ATF6: variants seen among roughly 807,000 people sequenced by gnomAD.
ATF6 encodes cyclic AMP-dependent transcription factor ATF-6 alpha.
A neutral mutation model predicts 83.6 loss-of-function variants in ATF6; 53 were observed. The ratio of observed to expected loss-of-function variants is 0.63; its 90% confidence interval spans 0.51 to 0.80. The LOEUF (loss-of-function observed/expected upper bound fraction) is 0.80. ATF6 is among the 30% of genes least tolerant of loss of function. The pLI, the probability that ATF6 is intolerant of heterozygous loss-of-function variation, is 0.00. For synonymous variants in ATF6, 288 were observed against 285.8 expected (o/e 1.01, Z -0.08); for missense variants, 744 against 797.9 (o/e 0.93, Z 0.81).
intron 9 of ATF6, among the ~76,000 whole-genome samples, chr1:161,830,199 T>C (rs916597253): frequency 2.0e-5 from 3 of 152,214 alleles, no homozygotes; most frequent in African/African-American, 7.2e-5. Flanking sequence ...CCATTCACAA[T>C]TGCTTCAAAG....
chr1:161,868,697 A>G (rs1183934322), intron 14 of ATF6, among the ~76,000 whole-genome samples: 1 of 151,748 alleles, frequency 6.6e-6, no homozygotes, highest in African/African-American at 2.4e-5. Flanking sequence ...ATTGGAATCT[A>G]TTTTACTGAT....
chr1:161,870,363 A>C (rs1687097522), intron 14 of ATF6, among the ~76,000 whole-genome samples: 1 of 151,818 alleles, frequency 6.6e-6, no homozygotes. Flanking sequence ...ATAGGCCTTG[A>C]AAGTTTCTGG....
At chr1:161,790,116 C>T (rs1337725727) in intron 4 of ATF6, among the ~76,000 whole-genome samples, 1 of 152,000 alleles carries the variant, frequency 6.6e-6, no homozygotes, top group Non-Finnish European at 1.5e-5. Flanking sequence ...CAAATATTTT[C>T]TACCAATATA....
intron 9 of ATF6, 106 bp downstream of exon 9, chr1:161,821,267 A>G (rs1020889615): frequency 1.3e-6 from 1 of 755,434 alleles, no homozygotes; most frequent in Non-Finnish European, 2.1e-6. Context: ...GTTTTTCAAG[A>G]TGTGTAAAGA....
intron 15 of ATF6, among the ~76,000 whole-genome samples, chr1:161,936,323 G>A (rs10918224): frequency 0.63 from 95,478 of 151,526 alleles, 31,811 homozygotes; most frequent in Non-Finnish European, 0.75. Flanking sequence ...TTTAATTTTT[G>A]TGGGTACATA....
chr1:161,840,829 CTT>C (rs1421690619), intron 9 of ATF6, among the ~76,000 whole-genome samples: 2 of 152,250 alleles, frequency 1.3e-5, no homozygotes, highest in East Asian at 3.9e-4. Context: ...TACTGTGACT[CTT>C]TGGACTAGCA....
At chr1:161,781,852 G>T in intron 2 of ATF6, 60 bp from the exon 3 acceptor site, 1 of 1,150,552 alleles carries the variant, frequency 8.7e-7, no homozygotes, top group South Asian at 1.4e-5. Context: ...CTCACAGTTT[G>T]ATTTTAAGAT....
At chr1:161,813,900 T>A (rs1166168244) in intron 7 of ATF6, among the ~76,000 whole-genome samples, 1 of 151,924 alleles carries the variant, frequency 6.6e-6, no homozygotes, top group Non-Finnish European at 1.5e-5. Context: ...TTTTTTTTTT[T>A]TGAGATGGAG....
rs869240831 is a variant in ATF6 at position 161,812,371 on chromosome 1, CTTTTTTTTTTTTTTTTTTTTTTTTT to C, written c.910-7247_910-7223del. On this transcript the variant is annotated intron_variant, in intron 7 of 15. Transcript: ENST00000367942. ...GAGCTGGAATGGGAGCAGGTATTTT[CTTTTTTTTTTTTTTTTTTTTTTTTT>C]TTTTTTTTTTTTTTGAGACGGAGTC... Among the ~76,000 whole-genome samples the C allele has an allele frequency of 3.8e-4, 13 of 34,392 alleles. No individual in the cohort carries two copies. In the East Asian group the frequency reaches 7.1e-3, roughly 19 times the overall value. The allele number at this position is 34,392 out of a possible 152,430, so 22.6% of individuals were successfully genotyped here.
intron 9 of ATF6, among the ~76,000 whole-genome samples, chr1:161,835,770 A>G (rs916798601): frequency 6.6e-6 from 1 of 152,206 alleles, no homozygotes; most frequent in Non-Finnish European, 1.5e-5. Context: ...TCTTCCTGGC[A>G]CATAGGATTG....
In ATF6 at chr1:161,781,906, C is replaced by T; in HGVS notation, c.160-6C>T. Reference sequence around the variant, plus strand: ...TAATATTCTTTTGCTGATTTGAAACCTACAGGAAAACAATTTTGATAATCT... The same window carrying T: ...TAATATTCTTTTGCTGATTTGAAACTTACAGGAAAACAATTTTGATAATCT... On this transcript the variant is annotated splice_polypyrimidine_tract_variant and splice_region_variant and intron_variant, in intron 2 of 15. Transcript: ENST00000367942. The T allele has an allele frequency of 7.6e-6, 12 of 1,588,364 alleles. No homozygotes were observed. Among genetic ancestry groups the T allele is most frequent in the Non-Finnish European group, 1.0e-5 (12 of 1,161,988 alleles).
chr1:161,837,992 A>G (rs1308945791), intron 9 of ATF6, among the ~76,000 whole-genome samples: 4 of 152,202 alleles, frequency 2.6e-5, no homozygotes, highest in Non-Finnish European at 5.9e-5. Flanking sequence ...CTGCCTCTGG[A>G]GCCTTGGCTT....
At chr1:161,941,280 T>A (rs1395862438) in intron 15 of ATF6, among the ~76,000 whole-genome samples, 1 of 152,244 alleles carries the variant, frequency 6.6e-6, no homozygotes, top group East Asian at 1.9e-4. Flanking sequence ...GATTACATAA[T>A]GCCTGATAGT....
At chr1:161,886,362 T>A (rs1382776232) in intron 14 of ATF6, among the ~76,000 whole-genome samples, 1 of 152,224 alleles carries the variant, frequency 6.6e-6, no homozygotes, top group Non-Finnish European at 1.5e-5. Context: ...TGACTTATGT[T>A]TATTAAATAC....
intron 10 of ATF6, among the ~76,000 whole-genome samples, chr1:161,847,375 T>C (rs1686508476): frequency 1.3e-5 from 2 of 152,150 alleles, no homozygotes; most frequent in South Asian, 4.1e-4. Flanking sequence ...ATTTTTACTG[T>C]GTTACATCCA....
At chr1:161,888,891 T>A (rs1687488120) in intron 14 of ATF6, among the ~76,000 whole-genome samples, 1 of 152,214 alleles carries the variant, frequency 6.6e-6, no homozygotes, top group Admixed American at 6.5e-5. Flanking sequence ...CCTGCCTTAT[T>A]TCCTGACACT....
At chr1:161,930,992 A>G (rs1267350728) in intron 15 of ATF6, among the ~76,000 whole-genome samples, 1 of 151,822 alleles carries the variant, frequency 6.6e-6, no homozygotes, top group Non-Finnish European at 1.5e-5. Flanking sequence ...TCCCAGGTTC[A>G]GTCTCTCCTG....
chr1:161,923,884 A>G (rs1487024917), intron 15 of ATF6, among the ~76,000 whole-genome samples: 2 of 152,208 alleles, frequency 1.3e-5, no homozygotes, highest in African/African-American at 4.8e-5. Flanking sequence ...TATGGCAAAA[A>G]TCTGTTTCTA....
intron 13 of ATF6, 131 bp from the exon 14 acceptor site, chr1:161,863,067 C>A: frequency 1.9e-6 from 1 of 525,194 alleles, no homozygotes; most frequent in Non-Finnish European, 3.4e-6. Flanking sequence ...ATAAAAATTA[C>A]TGCCAAAGTG....
Sources: gnomAD v4.1 joint callset for allele counts (sites outside exome capture counted in the v4.1 genomes callset) on GRCh38, gnomAD v4.1.1 for gene constraint, MANE v1.5 for transcripts, NCBI Gene and HGNC (gene_info 2026-07-23, HGNC 2026-07-21) for gene names.